The following NTRK3 variants were observed in gnomAD, a reference collection of about 807,000 sequenced individuals.
The protein encoded by NTRK3 is neurotrophic receptor tyrosine kinase 3.
A neutral mutation model predicts 91.7 loss-of-function variants in NTRK3; 24 were observed. That is an observed-to-expected ratio of 0.26 (90% CI 0.19 to 0.37). The LOEUF is 0.37. Among genes scored for constraint, NTRK3 ranks in the 10% least tolerant of loss-of-function variants. The probability of loss-of-function intolerance (pLI) is 1.00; values close to 1 mark genes in which losing one functional copy is unlikely to be tolerated. For synonymous variants in NTRK3, 483 were observed against 404.0 expected (o/e 1.20, Z -2.34); for missense variants, 880 against 1,068.9 (o/e 0.82, Z 2.46).
At chr15:88,091,067 G>A (rs576243768) in intron 13 of NTRK3, among the ~76,000 whole-genome samples, 1 of 152,366 alleles carries the variant, frequency 6.6e-6, no homozygotes, top group South Asian at 2.1e-4. Flanking sequence ...AGGAAAGTCA[G>A]GGGCTAGGGG....
intron 3 of NTRK3, among the ~76,000 whole-genome samples, chr15:88,228,431 C>T: frequency 6.6e-6 from 1 of 152,176 alleles, no homozygotes; most frequent in East Asian, 1.9e-4. Context: ...CTATCAGTCC[C>T]CTTGCCCCCA....
At chr15:88,032,925 G>A (rs778762123) in exon 14 of NTRK3, 2 of 1,613,608 alleles carry the variant, frequency 1.2e-6, no homozygotes, top group African/African-American at 1.3e-5. Context: ...AGGGATGCGA[G>A]TCATGCCAAT....
intron 3 of NTRK3, among the ~76,000 whole-genome samples, chr15:88,254,701 G>A (rs1243945165): frequency 1.3e-5 from 2 of 152,162 alleles, no homozygotes; most frequent in African/African-American, 4.8e-5. Flanking sequence ...GTCCGTCGAA[G>A]GGGTAAAGAG....
chr15:88,035,273 G>A (rs1181676658), intron 13 of NTRK3, among the ~76,000 whole-genome samples: 2 of 152,210 alleles, frequency 1.3e-5, no homozygotes, highest in East Asian at 1.9e-4. Flanking sequence ...GGCTCCAGGC[G>A]GGAACAAGGT....
intron 5 of NTRK3, among the ~76,000 whole-genome samples, chr15:88,174,826 G>T (rs2045849544): frequency 6.6e-6 from 1 of 152,186 alleles, no homozygotes; most frequent in Non-Finnish European, 1.5e-5. Flanking sequence ...CCCTCCAGCG[G>T]CACCTCCACT....
At chr15:87,866,074 C>G (rs1170074788) in exon 19 of NTRK3, 1 of 229,726 alleles carries the variant, frequency 4.4e-6, no homozygotes, top group African/African-American at 2.2e-5. Flanking sequence ...CAGTTATGAT[C>G]TCATTTAGGG....
chr15:88,254,452 G>A (rs2053782454), intron 3 of NTRK3, among the ~76,000 whole-genome samples: 1 of 152,142 alleles, frequency 6.6e-6, no homozygotes, highest in Admixed American at 6.5e-5. Context: ...CAGCAGAGCT[G>A]AGATATGGGT....
At chr15:88,067,369 A>G (rs1007878358) in intron 13 of NTRK3, among the ~76,000 whole-genome samples, 1 of 152,226 alleles carries the variant, frequency 6.6e-6, no homozygotes, top group Non-Finnish European at 1.5e-5. Context: ...ATTTAGATAG[A>G]ATATCTACCA....
chr15:88,008,169 G>A (rs577525473), intron 14 of NTRK3, among the ~76,000 whole-genome samples: 1 of 152,284 alleles, frequency 6.6e-6, no homozygotes, highest in African/African-American at 2.4e-5. Context: ...AACTCACAGA[G>A]AGCAAATACA....
In NTRK3 at chr15:87,920,823, G is replaced by A. The variant is rs180781022; in HGVS notation, c.2133+8368C>T. Among the ~76,000 whole-genome samples, 159 of 152,218 alleles carry A rather than the reference G, an allele frequency of 1.0e-3. 1 individual carries two copies. Among genetic ancestry groups the A allele is most frequent in the African/African-American group, 3.6e-3 (151 of 41,546 alleles). Reference sequence around the variant, plus strand: ...AAAGGAGAGACTGTGGGCAATGGGGGATCCATCCCCTCACCCCTGCTTTGA... The same window carrying A: ...AAAGGAGAGACTGTGGGCAATGGGGAATCCATCCCCTCACCCCTGCTTTGA... On this transcript the variant is annotated intron_variant, in intron 17 of 18. Transcript: ENST00000394480.
intron 14 of NTRK3, among the ~76,000 whole-genome samples, chr15:87,972,627 A>G (rs2073353930): frequency 6.6e-6 from 1 of 152,146 alleles, no homozygotes; most frequent in Non-Finnish European, 1.5e-5. Context: ...GCCTTAAATC[A>G]TCTATTTAAG....
At chr15:88,045,693 G>C (rs940184326) in intron 13 of NTRK3, among the ~76,000 whole-genome samples, 3 of 152,186 alleles carry the variant, frequency 2.0e-5, no homozygotes, top group African/African-American at 7.2e-5. Flanking sequence ...TGAGACTCTG[G>C]ATAGAATCCC....
At chr15:87,934,766 T>G (rs1041384278) in intron 15 of NTRK3, among the ~76,000 whole-genome samples, 13 of 152,068 alleles carry the variant, frequency 8.5e-5, no homozygotes, top group Non-Finnish European at 1.6e-4. Flanking sequence ...GACAGACACT[T>G]AGAGTTTGAC....
intron 5 of NTRK3, among the ~76,000 whole-genome samples, chr15:88,147,944 G>A (rs911082574): frequency 1.3e-5 from 2 of 152,160 alleles, no homozygotes; most frequent in African/African-American, 2.4e-5. Flanking sequence ...TCATTAGGAT[G>A]TACAGGGGAA....
chr15:88,128,637 G>A, intron 11 of NTRK3, 74 bp downstream of exon 11: 1 of 1,458,614 alleles, frequency 6.9e-7, no homozygotes, highest in South Asian at 1.1e-5. Context: ...TAGGAGAGAG[G>A]GCTATTTGAA....
chr15:88,039,183 C>G (rs568487078), intron 13 of NTRK3, among the ~76,000 whole-genome samples: 1 of 151,546 alleles, frequency 6.6e-6, no homozygotes, highest in Admixed American at 6.6e-5. Context: ...ACACACAGCC[C>G]GCCTATTACC....
At chr15:87,961,351 C>T (rs1467947404) in intron 14 of NTRK3, among the ~76,000 whole-genome samples, 1 of 152,216 alleles carries the variant, frequency 6.6e-6, no homozygotes, top group Non-Finnish European at 1.5e-5. Context: ...AAAAGAAGAA[C>T]ATATGCCACC....
chr15:88,015,353 G>A (rs1319816911), intron 14 of NTRK3, among the ~76,000 whole-genome samples: 2 of 152,082 alleles, frequency 1.3e-5, no homozygotes, highest in Non-Finnish European at 2.9e-5. Flanking sequence ...TCCACCCCGG[G>A]AGGGAGTCCT....
chr15:87,923,619 G>C (rs78929614), intron 17 of NTRK3, among the ~76,000 whole-genome samples: 1,561 of 152,214 alleles, frequency 0.01, 29 homozygotes, highest in African/African-American at 0.035. Flanking sequence ...AATATATCTA[G>C]GTAAGCCTTG....
Sources: allele counts gnomAD v4.1 joint callset (sites outside exome capture counted in the v4.1 genomes callset), GRCh38; gene constraint gnomAD v4.1.1; transcripts MANE v1.5; gene names NCBI Gene and HGNC (gene_info 2026-07-23, HGNC 2026-07-21).